SMARCE1: variants seen among roughly 807,000 people sequenced by gnomAD.
The protein encoded by SMARCE1 is SWI/SNF related BAF chromatin remodeling complex subunit E1.
A neutral mutation model predicts 54.9 loss-of-function variants in SMARCE1; 13 were observed. The ratio of observed to expected loss-of-function variants is 0.24; its 90% confidence interval spans 0.15 to 0.38. The LOEUF is 0.38. SMARCE1 is among the 10% of genes least tolerant of loss of function. The pLI, the probability that SMARCE1 is intolerant of heterozygous loss-of-function variation, is 1.00. For missense variants in SMARCE1, 295 were observed against 523.8 expected, an observed-to-expected ratio of 0.56 and a Z score of 4.26; for synonymous variants, 151 against 175.3, an observed-to-expected ratio of 0.86 and a Z score of 1.10.
intron 5 of SMARCE1, 88 bp downstream of exon 5, chr17:40,637,394 TGCACAGAAAA>T: frequency 1.0e-6 from 1 of 967,604 alleles, no homozygotes; most frequent in Non-Finnish European, 1.7e-6. Context: ...CCTCTGAATA[TGCACAGAAAA>T]GCTGGCTAAG....
At chr17:40,632,123 G>C (rs74461169) in intron 8 of SMARCE1, 72 bp downstream of exon 8, 1 of 1,178,924 alleles carries the variant, frequency 8.5e-7, no homozygotes, top group African/African-American at 1.5e-5. Context: ...TTTAGGCATG[G>C]TGTAGGAATC....
At position 40,628,759 on chromosome 17, in the gene SMARCE1, T is replaced by G. The variant is rs2037059265; in HGVS notation, c.*26A>C. On this transcript the variant is annotated 3_prime_UTR_variant, in exon 11 of 11. Coordinates refer to ENST00000348513, the MANE Select transcript of SMARCE1 (RefSeq NM_003079.5). ...AACATTTTTTCATTAAAAAAAGTAT[T>G]TAGAACACACAAAACAAGGCAACAC... 1 of 1,573,720 alleles carries G rather than the reference T, an allele frequency of 6.4e-7. No homozygotes were observed. Among genetic ancestry groups the G allele is most frequent in the East Asian group, 2.2e-5 (1 of 44,620 alleles).
In SMARCE1 at chr17:40,636,383, C is replaced by A. The variant is rs58739414; in HGVS notation, c.369+12G>T. On this transcript the variant is annotated intron_variant, in intron 6 of 10. Transcript: ENST00000348513. ...TACACATTATCTATCCCACTGTGAG[C>A]CCCTACCCTACCTTTTCTGCTTCGT... 4.1e-4 allele frequency: 657 copies of A among 1,609,510 alleles called. 3 individuals carry two copies. The African/African-American group carries it at 7.5e-3, about 18-fold the overall frequency.
In SMARCE1 at chr17:40,642,665, T is replaced by TTTAAG; in HGVS notation, c.52-107_52-106insCTTAA. 1 of 682,550 alleles carries TTTAAG rather than the reference T, an allele frequency of 1.5e-6. No homozygotes were observed. Among genetic ancestry groups the TTTAAG allele is most frequent in the Non-Finnish European group, 2.6e-6 (1 of 385,796 alleles). The allele number at this position is 682,550 out of a possible 1,614,324, so 42.3% of individuals were successfully genotyped here. On this transcript the variant is annotated intron_variant, in intron 3 of 10. Coordinates refer to ENST00000348513, the MANE Select transcript of SMARCE1 (RefSeq NM_003079.5). The surrounding 1 kb of genome is among the most constrained non-coding windows in gnomAD (Gnocchi z 4.6). ...ATATGGCATGCAAAAGCAACCTGAATTTAAACAAGCAATGATGTGTTGTAA... is the reference window on the plus strand; with the variant it reads ...ATATGGCATGCAAAAGCAACCTGAATTTAAGTTAAACAAGCAATGATGTGTTGTAA...
intron 8 of SMARCE1, 105 bp downstream of exon 8, chr17:40,632,090 G>T: frequency 1.1e-6 from 1 of 892,034 alleles, no homozygotes; most frequent in Non-Finnish European, 1.8e-6. Flanking sequence ...GAACAGGTTA[G>T]ATTGACATAT....
chr17:40,644,107 A>AG, intron 3 of SMARCE1: 1 of 152,380 alleles, frequency 6.6e-6, no homozygotes, highest in South Asian at 2.1e-4. Context: ...TTAATGTGAA[A>AG]CTATAATGAC....
At chr17:40,634,122 T>C (rs1301379591) in intron 7 of SMARCE1, 1 of 152,312 alleles carries the variant, frequency 6.6e-6, no homozygotes, top group African/African-American at 2.4e-5. Context: ...TAATTGCACA[T>C]GCCCTCTTTT....
Position 40,631,684 on chromosome 17 carries a change from C to T in SMARCE1, c.724G>A (p.Glu242Lys). The T allele has an allele frequency of 6.3e-7, 1 of 1,596,292 alleles. No individual in the cohort carries two copies. Among genetic ancestry groups the T allele is most frequent in the Non-Finnish European group, 8.6e-7 (1 of 1,164,242 alleles). The change falls in exon 9 of 11, where the codon GAA becomes AAA. Residue 242 changes from glutamate (E) to lysine (K), a missense_variant. Glu to Lys is a moderately conservative substitution (Grantham distance 56). Coordinates refer to ENST00000348513, the MANE Select transcript of SMARCE1 (RefSeq NM_003079.5). Reference protein sequence around the residue: ...QSLMVHQRKLEAELLQIEERH... With the variant: ...QSLMVHQRKLKAELLQIEERH... ...TCCTCTATTTGAAGAAGTTCAGCTT[C>T]TAGTTTTCGCTGCAAGACAGGATCA...
intron 7 of SMARCE1, chr17:40,632,907 A>G (rs1481379946): frequency 3.3e-5 from 5 of 152,706 alleles, no homozygotes; most frequent in East Asian, 1.9e-4. Context: ...AAGAAAAATA[A>G]ATGTCTGATT....
In SMARCE1 at chr17:40,642,195, A is replaced by G. The variant is rs2037205838; in HGVS notation, c.156+260T>C. On this transcript the variant is annotated intron_variant, in intron 4 of 10. Coordinates refer to ENST00000348513, the MANE Select transcript of SMARCE1 (RefSeq NM_003079.5). This position sits in a 1 kb window ranked among gnomAD's most constrained non-coding sequence, Gnocchi z 4.6. ...GAAATTCTGTTTGTTTACATACAGT[A>G]TAAGCATCAAGTGCTCAAGGCTTTA... The G allele has an allele frequency of 3.3e-6, 2 of 598,864 alleles. No individual in the cohort carries two copies. The highest frequency in any genetic ancestry group is 2.9e-6 in the Non-Finnish European group (1 of 340,288). 37.1% of individuals were successfully genotyped at this position (598,864 alleles called of 1,614,324 possible).
chr17:40,639,960 T>G (rs1021520431), intron 4 of SMARCE1: 1 of 152,332 alleles, frequency 6.6e-6, no homozygotes, highest in African/African-American at 2.4e-5. Flanking sequence ...TTTCTTTCCT[T>G]GCTACTATCA....
chr17:40,627,125 T>C lies in SMARCE1; in HGVS notation c.*1660A>G, dbSNP rs2143977637. 6.6e-6 allele frequency: 1 copy of C among 152,342 alleles called. No individual in the cohort carries two copies. Among genetic ancestry groups the C allele is most frequent in the African/African-American group, 2.4e-5 (1 of 41,582 alleles). 9.4% of individuals were successfully genotyped at this position (152,342 alleles called of 1,614,324 possible). ...GCTGTCCAATTTGTCTGAGATGAGA[T>C]GGCTGAAGTTCTTAGCCAAATAATG... On this transcript the variant is annotated 3_prime_UTR_variant, in exon 11 of 11. Transcript: ENST00000348513.
intron 5 of SMARCE1, chr17:40,636,827 CAT>C (rs1597746517): frequency 4.6e-6 from 1 of 216,262 alleles, no homozygotes; most frequent in East Asian, 1.1e-4. Flanking sequence ...ACTTCAATAA[CAT>C]AGTCTACGTC....
Position 40,636,102 on chromosome 17 carries a change from T to C in SMARCE1, c.370A>G (p.Ile124Val). Residue 124 changes from isoleucine (I) to valine (V), a missense_variant and splice_region_variant, in exon 7 of 11, where the codon ATA (isoleucine) becomes GTA (valine). This residue lies in a region of SMARCE1 where 15 missense variants were observed against 40.1 expected (regional missense o/e 0.37). Coordinates refer to ENST00000348513, the MANE Select transcript of SMARCE1 (RefSeq NM_003079.5). ...GCCTTCATAGATTCATTGTACTCTA[T>C]CTGAAATTCAAATGTTTTTTGGTTT... ...EYLNEYEAEK[I>V]EYNESMKAYH... 1 of 1,591,636 alleles carries C rather than the reference T, an allele frequency of 6.3e-7. No homozygotes were observed. Among genetic ancestry groups the C allele is most frequent in the South Asian group, 1.2e-5 (1 of 86,788 alleles).
At chr17:40,631,002 T>C (rs1038389660) in intron 9 of SMARCE1, 78 bp from the exon 10 acceptor site, 19 of 1,127,828 alleles carry the variant, frequency 1.7e-5, no homozygotes, top group Non-Finnish European at 2.4e-5. Flanking sequence ...CAAAAGTTGG[T>C]TTTCTTGCCT....
Position 40,628,662 on chromosome 17 carries a change from A to C in SMARCE1, c.*123T>G, listed in dbSNP as rs1049441519. 143 of 707,590 alleles carry C rather than the reference A, an allele frequency of 2.0e-4. No individual in the cohort carries two copies. The Middle Eastern group carries it at 2.4e-3, about 12-fold the overall frequency. 43.8% of individuals were successfully genotyped at this position (707,590 alleles called of 1,614,324 possible). On this transcript the variant is annotated 3_prime_UTR_variant, in exon 11 of 11. Transcript: ENST00000348513. ...GGCTCATGATGCTAAATGGTCCAAA[A>C]GCCTTTGGTGGTGTGATATGGACAA...
At chr17:40,639,912 G>GCTAT (rs1264181626) in intron 4 of SMARCE1, 3 of 152,164 alleles carry the variant, frequency 2.0e-5, no homozygotes, top group African/African-American at 7.2e-5. Flanking sequence ...CGGCCTAGGG[G>GCTAT]CTATGCTTTT....
At chr17:40,629,525 T>G (rs192335604) in intron 10 of SMARCE1, 3 of 1,226,912 alleles carry the variant, frequency 2.4e-6, no homozygotes, top group Non-Finnish European at 3.1e-6. Flanking sequence ...TAATATAAGG[T>G]TGGTCTTTTA....
intron 10 of SMARCE1, chr17:40,629,335 AG>A (rs2037067538): frequency 4.8e-6 from 2 of 418,154 alleles, no homozygotes; most frequent in Admixed American, 4.0e-5. Context: ...AATTTTATTT[AG>A]GATATGTTGA....
Sources: allele counts gnomAD v4.1 joint callset, GRCh38; gene constraint gnomAD v4.1.1; regional missense constraint gnomAD v4.1.1; non-coding constraint Gnocchi (gnomAD v3.1); transcripts MANE v1.5; gene names NCBI Gene and HGNC (gene_info 2026-07-23, HGNC 2026-07-21).